Variants in SNTG1 observed in about 807,000 individuals in gnomAD.
SNTG1 encodes syntrophin gamma 1, also known as gamma-1-syntrophin.
Under a neutral mutation model 74.7 loss-of-function variants are expected in SNTG1, and 39 were observed. The ratio of observed to expected loss-of-function variants is 0.52; its 90% confidence interval spans 0.40 to 0.68. SNTG1 has a LOEUF of 0.68. Among genes scored for constraint, SNTG1 ranks in the 30% least tolerant of loss-of-function variants. The pLI is 0.00. For missense variants in SNTG1, 685 were observed against 609.5 expected (o/e 1.12, Z -1.30); for synonymous variants, 254 against 217.1 (o/e 1.17, Z -1.49).
At chr8:50,104,452 T>G (rs1384899889) in intron 1 of SNTG1, among the ~76,000 whole-genome samples, 1 of 152,146 alleles carries the variant, frequency 6.6e-6, no homozygotes, top group Non-Finnish European at 1.5e-5. Flanking sequence ...TCTTCTCTCT[T>G]TTCTTCTTTA....
chr8:49,987,287 T>C (rs1813254441), intron 1 of SNTG1, among the ~76,000 whole-genome samples: 1 of 151,980 alleles, frequency 6.6e-6, no homozygotes, highest in Non-Finnish European at 1.5e-5. Flanking sequence ...AGAATAAGAA[T>C]GAGTTAGAAG....
chr8:50,772,241 C>T (rs1188710271), intron 18 of SNTG1, among the ~76,000 whole-genome samples: 1 of 152,106 alleles, frequency 6.6e-6, no homozygotes, highest in Non-Finnish European at 1.5e-5. Flanking sequence ...CTCAACAAAG[C>T]CACGGGAGTT....
At chr8:49,968,745 T>C (rs1025806848) in intron 1 of SNTG1, among the ~76,000 whole-genome samples, 12 of 152,030 alleles carry the variant, frequency 7.9e-5, no homozygotes, top group African/African-American at 2.9e-4. Context: ...AGAGAGGACC[T>C]CCCAGGCAAG....
intron 2 of SNTG1, among the ~76,000 whole-genome samples, chr8:50,310,146 G>A (rs2090051547): frequency 6.6e-6 from 1 of 152,074 alleles, no homozygotes; most frequent in African/African-American, 2.4e-5. Context: ...GGTCGCCTGG[G>A]GAAGGAGTTT....
At chr8:50,512,039 T>G (rs1280712147) in intron 9 of SNTG1, among the ~76,000 whole-genome samples, 1 of 152,192 alleles carries the variant, frequency 6.6e-6, no homozygotes, top group East Asian at 1.9e-4. Flanking sequence ...GGCATGTTTT[T>G]GCAGTGGCTG....
At chr8:49,915,358 G>A (rs970528824) in intron 1 of SNTG1, among the ~76,000 whole-genome samples, 8 of 151,878 alleles carry the variant, frequency 5.3e-5, no homozygotes, top group Admixed American at 2.6e-4. Context: ...TCATTCATTC[G>A]TCAAAAAAAA....
intron 1 of SNTG1, among the ~76,000 whole-genome samples, chr8:50,067,694 G>A (rs1586128595): frequency 6.6e-6 from 1 of 152,054 alleles, no homozygotes; most frequent in Non-Finnish European, 1.5e-5. Flanking sequence ...GTTGGAGTTT[G>A]AGGATCCACA....
At chr8:50,323,711 C>A (rs2090620798) in intron 2 of SNTG1, among the ~76,000 whole-genome samples, 1 of 152,134 alleles carries the variant, frequency 6.6e-6, no homozygotes, top group South Asian at 2.1e-4. Flanking sequence ...TCTGTGGCCA[C>A]CACCACTGGG....
At chr8:50,683,734 A>G (rs998576769) in intron 15 of SNTG1, among the ~76,000 whole-genome samples, 1 of 152,220 alleles carries the variant, frequency 6.6e-6, no homozygotes, top group Non-Finnish European at 1.5e-5. Flanking sequence ...TGAGGGATTT[A>G]GGAAAAGTGG....
intron 5 of SNTG1, among the ~76,000 whole-genome samples, chr8:50,442,297 C>T (rs756431400): frequency 2.0e-5 from 3 of 152,252 alleles, no homozygotes; most frequent in Non-Finnish European, 4.4e-5. Context: ...GTAACTGAGC[C>T]ATAATATAAT....
intron 13 of SNTG1, 99 bp downstream of exon 13, chr8:50,591,016 G>T: frequency 1.3e-6 from 1 of 766,952 alleles, no homozygotes; most frequent in Non-Finnish European, 2.0e-6. Flanking sequence ...GAAATAATTG[G>T]TACTGTCATT....
intron 3 of SNTG1, among the ~76,000 whole-genome samples, chr8:50,400,077 C>A (rs994870732): frequency 2.0e-5 from 3 of 152,194 alleles, no homozygotes; most frequent in Non-Finnish European, 4.4e-5. Flanking sequence ...AAAGAGTTAT[C>A]TTTGGAGGCT....
intron 8 of SNTG1, among the ~76,000 whole-genome samples, chr8:50,494,622 G>T (rs1018683319): frequency 6.6e-6 from 1 of 151,940 alleles, no homozygotes; most frequent in Non-Finnish European, 1.5e-5. Flanking sequence ...AAAAGAAAAT[G>T]TTGCTTGAAT....
At chr8:50,666,570 G>A (rs2095251840) in intron 15 of SNTG1, among the ~76,000 whole-genome samples, 1 of 152,064 alleles carries the variant, frequency 6.6e-6, no homozygotes, top group African/African-American at 2.4e-5. Flanking sequence ...CTTTAAATCT[G>A]ATTGTATTAA....
chr8:50,502,963 T>G, intron 9 of SNTG1, 83 bp downstream of exon 9: 1 of 1,194,552 alleles, frequency 8.4e-7, no homozygotes, highest in Non-Finnish European at 1.2e-6. Context: ...TGGTGATTTC[T>G]TCTTAAAGTT....
chr8:50,679,584 A>G (rs1374925815), intron 15 of SNTG1, among the ~76,000 whole-genome samples: 5 of 152,174 alleles, frequency 3.3e-5, no homozygotes, highest in Non-Finnish European at 5.9e-5. Flanking sequence ...AGTCATGCTA[A>G]CAATGGCAAT....
chr8:50,126,041 A>C (rs777639434), intron 1 of SNTG1, among the ~76,000 whole-genome samples: 4 of 152,154 alleles, frequency 2.6e-5, no homozygotes, highest in Non-Finnish European at 5.9e-5. Flanking sequence ...AACTTTATGC[A>C]TGAGTACACA....
intron 2 of SNTG1, among the ~76,000 whole-genome samples, chr8:50,219,170 G>C (rs1039944593): frequency 3.3e-5 from 5 of 152,112 alleles, no homozygotes; most frequent in African/African-American, 9.7e-5. Context: ...TCCAATGACA[G>C]GCTGGTTACA....
intron 1 of SNTG1, among the ~76,000 whole-genome samples, chr8:50,033,265 A>G (rs956190040): frequency 6.6e-6 from 1 of 151,930 alleles, no homozygotes; most frequent in African/African-American, 2.4e-5. Context: ...CTGGGATTAC[A>G]GGCATGCGCC....
Sources: allele counts gnomAD v4.1 joint callset (sites outside exome capture counted in the v4.1 genomes callset), GRCh38; gene constraint gnomAD v4.1.1; transcripts MANE v1.5; gene names NCBI Gene and HGNC (gene_info 2026-07-23, HGNC 2026-07-21).